Variants in ANOS1 observed in about 807,000 individuals in gnomAD.
ANOS1 encodes the protein anosmin-1.
Under a neutral mutation model 59.0 loss-of-function variants are expected in ANOS1, and 6 were observed. The observed-to-expected ratio is 0.10, with a 90% CI of 0.06 to 0.20. ANOS1 has a LOEUF of 0.20. ANOS1 is among the 10% of genes least tolerant of loss of function. The pLI is 1.00. For missense variants in ANOS1, 433 were observed against 542.3 expected, an observed-to-expected ratio of 0.80 and a Z score of 2.00; for synonymous variants, 217 against 223.4, an observed-to-expected ratio of 0.97 and a Z score of 0.25.
At chrX:8,683,824 GC>G (rs1442349562) in intron 2 of ANOS1, among the ~76,000 whole-genome samples, 1 of 111,661 alleles carries the variant, frequency 9.0e-6, no homozygotes. Context: ...AACTAGTGTT[GC>G]CTTTGTCCGG....
intron 2 of ANOS1, among the ~76,000 whole-genome samples, chrX:8,631,027 C>T (rs1023333677): frequency 9.0e-6 from 1 of 111,586 alleles, no homozygotes; most frequent in African/African-American, 3.3e-5. Flanking sequence ...GGAAAGGCAC[C>T]AAAGTTTCCA....
intron 1 of ANOS1, among the ~76,000 whole-genome samples, chrX:8,724,672 G>A (rs780412426): frequency 3.7e-4 from 42 of 112,305 alleles, no homozygotes; most frequent in Admixed American, 2.7e-3. Flanking sequence ...AGGAGCCGGG[G>A]GATGGTGGGG....
chrX:8,551,411 G>A (rs1438285404), intron 9 of ANOS1, among the ~76,000 whole-genome samples: 1 of 111,894 alleles, frequency 8.9e-6, no homozygotes, highest in Non-Finnish European at 1.9e-5. Flanking sequence ...GCTGAGGCAG[G>A]GAGATCACCT....
chrX:8,571,986 T>C (rs1439686478), intron 6 of ANOS1, among the ~76,000 whole-genome samples: 1 of 112,296 alleles, frequency 8.9e-6, no homozygotes, highest in African/African-American at 3.2e-5. Context: ...TTTTGAAATT[T>C]CTTGCTTTCC....
chrX:8,711,910 A>G (rs73199072), intron 1 of ANOS1, among the ~76,000 whole-genome samples: 6,407 of 112,857 alleles, frequency 0.057, 200 homozygotes, highest in African/African-American at 0.12. Flanking sequence ...ATGCAAGGTC[A>G]CACTAAATTA....
chrX:8,607,448 A>G (rs1378135444), intron 3 of ANOS1, among the ~76,000 whole-genome samples: 1 of 111,789 alleles, frequency 8.9e-6, no homozygotes. Flanking sequence ...AATTACAGTA[A>G]TCTTTACTTA....
At chrX:8,561,688 C>T (rs1930035817) in intron 8 of ANOS1, among the ~76,000 whole-genome samples, 1 of 108,806 alleles carries the variant, frequency 9.2e-6, no homozygotes, top group African/African-American at 3.4e-5. Flanking sequence ...CTCAAGCAAT[C>T]CTCCCACCTT....
chrX:8,699,677 A>C, intron 2 of ANOS1, 21 bp downstream of exon 2: 1 of 1,167,638 alleles, frequency 8.6e-7, no homozygotes, highest in Non-Finnish European at 1.2e-6. Context: ...TGCACCATTC[A>C]TACAGGTATA....
intron 2 of ANOS1, among the ~76,000 whole-genome samples, chrX:8,635,012 G>A (rs1318276133): frequency 9.0e-6 from 1 of 111,553 alleles, no homozygotes; most frequent in Non-Finnish European, 1.9e-5. Context: ...TTTAACCACA[G>A]CCTCAGAAAC....
chrX:8,609,762 C>G, intron 3 of ANOS1, among the ~76,000 whole-genome samples: 1 of 110,506 alleles, frequency 9.0e-6, no homozygotes, highest in Non-Finnish European at 1.9e-5. Context: ...AATCCCAGCA[C>G]TTTGGGAGGC....
At chrX:8,685,528 GAGAA>G (rs1370384266) in intron 2 of ANOS1, among the ~76,000 whole-genome samples, 3 of 102,806 alleles carry the variant, frequency 2.9e-5, no homozygotes, top group Non-Finnish European at 5.9e-5. Context: ...GAGAAAGAGA[GAGAA>G]AGAGAGGAGA....
chrX:8,652,797 C>T (rs979307095), intron 2 of ANOS1, among the ~76,000 whole-genome samples: 4 of 111,247 alleles, frequency 3.6e-5, no homozygotes, highest in African/African-American at 1.3e-4. Context: ...ATAACCAGTC[C>T]TCTGTCCACC....
intron 2 of ANOS1, among the ~76,000 whole-genome samples, chrX:8,691,308 G>A (rs1932604092): frequency 9.0e-6 from 1 of 110,892 alleles, no homozygotes; most frequent in Admixed American, 9.6e-5. Context: ...TCTTGACCTC[G>A]TGATCCACCT....
At chrX:8,671,490 G>A (rs890227925) in intron 2 of ANOS1, among the ~76,000 whole-genome samples, 14 of 109,766 alleles carry the variant, frequency 1.3e-4, no homozygotes, top group Non-Finnish European at 2.5e-4. Flanking sequence ...ATGAAGGCAC[G>A]GTCTATATCT....
At chrX:8,716,659 A>C (rs1455757258) in intron 1 of ANOS1, among the ~76,000 whole-genome samples, 5 of 111,205 alleles carry the variant, frequency 4.5e-5, no homozygotes, top group African/African-American at 1.6e-4. Flanking sequence ...GACACCTGAC[A>C]CCTCATTTGT....
chrX:8,644,057 C>T (rs765056506), intron 2 of ANOS1, among the ~76,000 whole-genome samples: 1 of 111,577 alleles, frequency 9.0e-6, no homozygotes, highest in South Asian at 3.8e-4. Flanking sequence ...TAAGGACCTT[C>T]TGAGGGCTGC....
At chrX:8,684,456 T>C (rs757891443) in intron 2 of ANOS1, among the ~76,000 whole-genome samples, 1 of 111,456 alleles carries the variant, frequency 9.0e-6, no homozygotes, top group African/African-American at 3.3e-5. Flanking sequence ...GTCGGTACAC[T>C]GTGCTCACTG....
At chrX:8,603,152 G>A (rs1378125804) in intron 3 of ANOS1, among the ~76,000 whole-genome samples, 1 of 111,962 alleles carries the variant, frequency 8.9e-6, no homozygotes, top group Non-Finnish European at 1.9e-5. Flanking sequence ...AACTAAGAAA[G>A]AATTAGTCTG....
chrX:8,592,505 T>A (rs1182655167), intron 4 of ANOS1, among the ~76,000 whole-genome samples: 1 of 112,035 alleles, frequency 8.9e-6, no homozygotes, highest in African/African-American at 3.2e-5. Flanking sequence ...GTTTGTAAAA[T>A]TTTTTAACTT....
Sources: gnomAD v4.1 joint callset for allele counts (sites outside exome capture counted in the v4.1 genomes callset) on GRCh38, gnomAD v4.1.1 for gene constraint, MANE v1.5 for transcripts, NCBI Gene and HGNC (gene_info 2026-07-23, HGNC 2026-07-21) for gene names.